The following TCF3 variants were observed in gnomAD, a reference collection of about 807,000 sequenced individuals.
TCF3 encodes the protein transcription factor E2-alpha.
Under a neutral mutation model 72.3 loss-of-function variants are expected in TCF3, and 54 were observed. The observed-to-expected ratio is 0.75, with a 90% confidence interval of 0.60 to 0.94. The LOEUF is 0.94. TCF3 is among the 40% of genes least tolerant of loss of function. The pLI is 0.00. For synonymous variants in TCF3, 525 were observed against 412.6 expected, an observed-to-expected ratio of 1.27 and a Z score of -3.30; for missense variants, 1,078 against 934.4, an observed-to-expected ratio of 1.15 and a Z score of -2.00.
intron 16 of TCF3, among the ~76,000 whole-genome samples, chr19:1,618,185 G>T (rs1009961199): frequency 1.3e-5 from 2 of 151,920 alleles, no homozygotes; most frequent in Non-Finnish European, 2.9e-5. Context: ...CCCACAGCTC[G>T]GGCCAGAAAT....
At chr19:1,643,476 C>T (rs1159998440) in intron 3 of TCF3, among the ~76,000 whole-genome samples, 3 of 152,154 alleles carry the variant, frequency 2.0e-5, no homozygotes, top group Non-Finnish European at 4.4e-5. Flanking sequence ...CCGCCTTGGT[C>T]CCCCAAAGTG....
At chr19:1,630,860 C>T (rs1218659375) in intron 5 of TCF3, among the ~76,000 whole-genome samples, 1 of 152,190 alleles carries the variant, frequency 6.6e-6, no homozygotes, top group African/African-American at 2.4e-5. Flanking sequence ...GGACTTGACA[C>T]TCCCGCAGGA....
Position 1,622,418 on chromosome 19 carries a change from G to GGGGGGGGGGGTAA in TCF3, c.550-4_550-3insTTACCCCCCCCCC. 1 of 1,448,988 alleles carries GGGGGGGGGGGTAA rather than the reference G, an allele frequency of 6.9e-7. No individual in the cohort carries two copies. 89.8% of individuals were successfully genotyped at this position (1,448,988 alleles called of 1,614,324 possible). On this transcript the variant is annotated splice_region_variant and splice_polypyrimidine_tract_variant and intron_variant, in intron 8 of 18. Coordinates refer to ENST00000262965, the MANE Select transcript of TCF3 (RefSeq NM_003200.5). ...TCACCTGAGCTGGGTGGGTACACCT[G>GGGGGGGGGGGTAA]CGGGCGGGTGGGCGGTGGGGGGTGC...
intron 3 of TCF3, among the ~76,000 whole-genome samples, chr19:1,635,568 A>G (rs2064282410): frequency 6.6e-6 from 1 of 151,452 alleles, no homozygotes; most frequent in Admixed American, 6.6e-5. Flanking sequence ...TGCCTGGAAC[A>G]CAGCTGACGC....
In TCF3 at chr19:1,623,969, C is replaced by A. The variant is rs199702817; in HGVS notation, c.531G>T (p.Pro177=). The A allele has an allele frequency of 6.2e-7, 1 of 1,613,350 alleles. No individual in the cohort carries two copies. The highest frequency in any genetic ancestry group is 1.3e-5 in the African/African-American group (1 of 74,910). Residue 177 remains proline (P), a synonymous_variant, in exon 8 of 19, where the codon CCG becomes CCT. Transcript: ENST00000262965. Reference sequence around the variant, plus strand: ...GACTCACCGAGGATGGAAGACCCGGCGGGACCTTCCGGACCTTCTTGGGCT... The same window carrying A: ...GACTCACCGAGGATGGAAGACCCGGAGGGACCTTCCGGACCTTCTTGGGCT... ...DTQPKKVRKV[P]PGLPSSVYPP...
chr19:1,611,699 C>T lies in TCF3; in HGVS notation c.*8G>A. 1 of 1,611,378 alleles carries T rather than the reference C, an allele frequency of 6.2e-7. No homozygotes were observed. The highest frequency in any genetic ancestry group is 8.5e-7 in the Non-Finnish European group (1 of 1,178,574). On this transcript the variant is annotated 3_prime_UTR_variant, in exon 19 of 19. Coordinates refer to ENST00000262965, the MANE Select transcript of TCF3 (RefSeq NM_003200.5). ...AAGCGGGTGGCTCGTCCCACGGAGG[C>T]ATACCTTTCACATGTGCCCGGCGGG...
At chr19:1,624,082 C>A in intron 7 of TCF3, 82 bp from the exon 8 acceptor site, 1 of 1,413,028 alleles carries the variant, frequency 7.1e-7, no homozygotes, top group Non-Finnish European at 9.9e-7. Context: ...GAGACCCTCA[C>A]AATTCCCGTT....
chr19:1,618,381 G>C (rs565191905), intron 16 of TCF3, among the ~76,000 whole-genome samples: 22 of 152,192 alleles, frequency 1.4e-4, no homozygotes, highest in African/African-American at 5.3e-4. Context: ...CCACCAGAGG[G>C]TATCTGTGAG....
intron 3 of TCF3, among the ~76,000 whole-genome samples, chr19:1,638,066 G>T (rs2145209766): frequency 6.6e-6 from 1 of 152,348 alleles, no homozygotes; most frequent in South Asian, 2.1e-4. Flanking sequence ...GAGCCTGGGG[G>T]TTCTATGGAA....
chr19:1,645,001 C>T (rs2065872253), intron 3 of TCF3, among the ~76,000 whole-genome samples: 1 of 152,112 alleles, frequency 6.6e-6, no homozygotes, highest in Non-Finnish European at 1.5e-5. Flanking sequence ...TTGGGGATTT[C>T]CACGCCTCAG....
chr19:1,630,394 C>T (rs1397986401), intron 5 of TCF3, among the ~76,000 whole-genome samples: 2 of 152,220 alleles, frequency 1.3e-5, no homozygotes, highest in East Asian at 1.9e-4. Flanking sequence ...CTCTACTGTA[C>T]TCCAAGTTCG....
intron 1 of TCF3, among the ~76,000 whole-genome samples, chr19:1,651,695 CT>C (rs1463852505): frequency 6.6e-6 from 1 of 151,982 alleles, no homozygotes; most frequent in Admixed American, 6.5e-5. Flanking sequence ...CCGGACCCCC[CT>C]CCCCCCGCAG....
At chr19:1,637,886 G>T (rs564123109) in intron 3 of TCF3, among the ~76,000 whole-genome samples, 1 of 151,900 alleles carries the variant, frequency 6.6e-6, no homozygotes, top group Non-Finnish European at 1.5e-5. Flanking sequence ...TCCAGCCTGG[G>T]CAATAGAGCG....
intron 11 of TCF3, among the ~76,000 whole-genome samples, 180 bp from the exon 12 acceptor site, chr19:1,621,371 G>A (rs764471794): frequency 9.2e-5 from 14 of 152,264 alleles, no homozygotes; most frequent in East Asian, 1.9e-4. Context: ...AGGCACTGGG[G>A]ACAGGCCACT....
rs1012004115 is a variant in TCF3, at chr19:1,637,713, T to G, written c.146-5308A>C. Among the ~76,000 whole-genome samples, 2 of 152,140 alleles carry G rather than the reference T, an allele frequency of 1.3e-5. 1 individual carries two copies. ...TCACGAGGTCCAGAAATCAAGACCA[T>G]GCTGGCCAACAGGGTGAAACCCCCG... is the stretch of plus-strand genomic sequence containing the variant. On this transcript the variant is annotated intron_variant, in intron 3 of 18. Coordinates refer to ENST00000262965, the MANE Select transcript of TCF3 (RefSeq NM_003200.5).
chr19:1,652,166 GCGCCCCCCGACACCGCCCC>G (rs2067220199), intron 1 of TCF3, 115 bp downstream of exon 1: 1 of 147,602 alleles, frequency 6.8e-6, no homozygotes, highest in Admixed American at 6.7e-5. Flanking sequence ...GGGCCGCGGG[GCGCCCCCCGACACCGCCCC>G]CGCCCCAACT....
At chr19:1,646,472 C>A in intron 2 of TCF3, 45 bp from the exon 3 acceptor site, 1 of 1,523,164 alleles carries the variant, frequency 6.6e-7, no homozygotes, top group Non-Finnish European at 8.9e-7. Context: ...GGTGGCAAAC[C>A]AAACCCTACA....
chr19:1,614,699 G>T lies in TCF3; in HGVS notation c.1822+586C>A, dbSNP rs1341976641. On this transcript the variant is annotated intron_variant, in intron 18 of 18. Coordinates refer to ENST00000262965, the MANE Select transcript of TCF3 (RefSeq NM_003200.5). The surrounding 1 kb of genome is among the most constrained non-coding windows in gnomAD (Gnocchi z 5.6). ...AGCCGCCAGCGCCAGCGGGGGGAAG[G>T]AGTCAGCTCACATCTGCGGGTGGGG... Among the ~76,000 whole-genome samples the T allele has an allele frequency of 6.6e-6, 1 of 152,144 alleles. No homozygotes were observed. The highest frequency in any genetic ancestry group is 1.5e-5 in the Non-Finnish European group (1 of 68,008).
intron 3 of TCF3, among the ~76,000 whole-genome samples, chr19:1,642,284 GCGCACA>G (rs1182849371): frequency 1.5e-5 from 2 of 134,940 alleles, no homozygotes; most frequent in Admixed American, 1.5e-4. Context: ...ACGCACAGAC[GCGCACA>G]CGCACAGACA....
Sources: gnomAD v4.1 joint callset for allele counts (sites outside exome capture counted in the v4.1 genomes callset) on GRCh38, gnomAD v4.1.1 for gene constraint, Gnocchi (gnomAD v3.1) non-coding constraint, MANE v1.5 for transcripts, NCBI Gene and HGNC (gene_info 2026-07-23, HGNC 2026-07-21) for gene names.